PLEK: variants seen among roughly 807,000 people sequenced by gnomAD.
PLEK encodes the protein platelet 47 kDa protein.
Under a neutral mutation model 43.9 loss-of-function variants are expected in PLEK, and 25 were observed. The ratio of observed to expected loss-of-function variants is 0.57; its 90% CI spans 0.41 to 0.79. The LOEUF (loss-of-function observed/expected upper bound fraction) is 0.79. PLEK is among the 30% of genes least tolerant of loss of function. The pLI, the probability that PLEK is intolerant of heterozygous loss-of-function variation, is 0.00. For synonymous variants in PLEK, 152 were observed against 144.4 expected (o/e 1.05, Z -0.38); for missense variants, 396 against 413.3 (o/e 0.96, Z 0.36).
Position 68,393,260 on chromosome 2 carries a change from T to C in PLEK, c.846+15T>C, listed in dbSNP as rs1365743282. 3.3e-6 allele frequency: 5 copies of C among 1,511,918 alleles called. No individual in the cohort carries two copies. In the Admixed American group the frequency reaches 6.7e-5, roughly 20 times the overall value. 93.7% of individuals were successfully genotyped at this position (1,511,918 alleles called of 1,614,324 possible). ...ACCCTGCTGGGGTAAGGTCCTGTGGTTCATAAATCCATTCAAATAAATAAA... is the reference window on the plus strand; with the variant it reads ...ACCCTGCTGGGGTAAGGTCCTGTGGCTCATAAATCCATTCAAATAAATAAA... On this transcript the variant is annotated intron_variant, in intron 7 of 8. Transcript: ENST00000234313.
At chr2:68,394,456 G>C (rs1673919306) in intron 8 of PLEK, among the ~76,000 whole-genome samples, 1 of 152,000 alleles carries the variant, frequency 6.6e-6, no homozygotes, top group Non-Finnish European at 1.5e-5. Context: ...CCTGTGAATT[G>C]TTTGAGCTTG....
intron 1 of PLEK, among the ~76,000 whole-genome samples, chr2:68,368,895 G>T (rs1174679776): frequency 6.6e-6 from 1 of 152,158 alleles, no homozygotes; most frequent in African/African-American, 2.4e-5. Context: ...CTTTGAGGCT[G>T]GGAGAAAGCA....
rs1673789886 is a variant in PLEK at position 68,388,375 on chromosome 2, A to G, written c.658-12A>G. 9.1e-6 allele frequency: 14 copies of G among 1,546,212 alleles called. No homozygotes were observed. Among genetic ancestry groups the G allele is most frequent in the Non-Finnish European group, 9.8e-6 (11 of 1,118,310 alleles). ...ACTGGTGATGTTAGCTTGCTGTTTG[A>G]TTTTCCAACAGCCAGACAGTGGGTT... On this transcript the variant is annotated splice_polypyrimidine_tract_variant and intron_variant, in intron 5 of 8. Coordinates refer to ENST00000234313, the MANE Select transcript of PLEK (RefSeq NM_002664.3).
intron 6 of PLEK, 146 bp from the exon 7 acceptor site, chr2:68,393,016 A>T (rs1673890403): frequency 4.4e-6 from 3 of 675,044 alleles, no homozygotes; most frequent in Non-Finnish European, 5.4e-6. Flanking sequence ...ACAAAGACCT[A>T]GGCCGGGATA....
At chr2:68,369,552 C>T (rs995913771) in intron 1 of PLEK, among the ~76,000 whole-genome samples, 5 of 148,978 alleles carry the variant, frequency 3.4e-5, no homozygotes, top group Admixed American at 6.8e-5. Flanking sequence ...GGTACGATCT[C>T]GGCTCACTGC....
chr2:68,372,453 G>A (rs562624124), intron 1 of PLEK, among the ~76,000 whole-genome samples: 70 of 151,222 alleles, frequency 4.6e-4, no homozygotes, highest in Non-Finnish European at 8.7e-4. Context: ...TGGGATTACA[G>A]GCATGAGCCA....
At chr2:68,388,195 C>T (rs575271716) in intron 5 of PLEK, 192 bp from the exon 6 acceptor site, 205 of 523,686 alleles carry the variant, frequency 3.9e-4, no homozygotes, top group Non-Finnish European at 5.0e-4. Context: ...GGAACAGCCC[C>T]GGAAGCAAGT....
At chr2:68,393,068 T>G (rs1673891349) in intron 6 of PLEK, 94 bp from the exon 7 acceptor site, 1 of 819,598 alleles carries the variant, frequency 1.2e-6, no homozygotes, top group Non-Finnish European at 2.1e-6. Context: ...CTTTCTTTTC[T>G]CAATTCAGCA....
intron 1 of PLEK, among the ~76,000 whole-genome samples, chr2:68,370,393 C>T (rs1673376263): frequency 6.6e-6 from 1 of 152,220 alleles, no homozygotes; most frequent in African/African-American, 2.4e-5. Flanking sequence ...GCATTCATCA[C>T]ACTGACCTGG....
At position 68,395,782 on chromosome 2, in the gene PLEK, G is replaced by A. The variant is rs1063479; in HGVS notation, c.1019G>A (p.Arg340Lys). 1,197,785 of 1,612,072 alleles carry A rather than the reference G, an allele frequency of 0.74. 448,973 individuals are homozygous for A. The highest frequency in any genetic ancestry group is 0.93 in the African/African-American group (69,816 of 75,006). The change falls in exon 9 of 9, where the codon AGA (arginine) becomes AAA (lysine). Residue 340 changes from arginine (R) to lysine (K), a missense_variant. Coordinates refer to ENST00000234313, the MANE Select transcript of PLEK (RefSeq NM_002664.3). ...ATPKERTEWI[R>K]AIQMASRTGK The stretch of plus-strand genomic sequence containing the variant: ...CCCAAGGAGCGCACAGAGTGGATCA[G>A]AGCCATCCAGATGGCCTCCCGAACT...
chr2:68,382,332 C>T (rs1056876329), intron 3 of PLEK, among the ~76,000 whole-genome samples: 4 of 152,190 alleles, frequency 2.6e-5, no homozygotes, highest in East Asian at 1.9e-4. Context: ...CATTGCTAAA[C>T]GCTGTGCAGG....
chr2:68,395,778 A>T lies in PLEK; in HGVS notation c.1015A>T (p.Ile339Phe). The change falls in exon 9 of 9, where the codon ATC becomes TTC. Residue 339 changes from isoleucine (I) to phenylalanine (F), a missense_variant. Transcript: ENST00000234313. ...AATPKERTEW[I>F]RAIQMASRTG... ...CACCCCCAAGGAGCGCACAGAGTGG[A>T]TCAGAGCCATCCAGATGGCCTCCCG... 6.2e-7 allele frequency: 1 copy of T among 1,613,786 alleles called. No individual in the cohort carries two copies. The highest frequency in any genetic ancestry group is 8.5e-7 in the Non-Finnish European group (1 of 1,179,738).
intron 1 of PLEK, among the ~76,000 whole-genome samples, chr2:68,379,808 G>A (rs1050868675): frequency 1.3e-5 from 2 of 152,196 alleles, no homozygotes; most frequent in Non-Finnish European, 2.9e-5. Context: ...TTATTTTAAT[G>A]AACATCCCCT....
chr2:68,371,873 T>C (rs763358479), intron 1 of PLEK, among the ~76,000 whole-genome samples: 26 of 152,310 alleles, frequency 1.7e-4, no homozygotes, highest in Admixed American at 1.1e-3. Flanking sequence ...TCCCACACCT[T>C]ATAAGTCTTT....
chr2:68,371,808 ACAGCC>A (rs1196097699), intron 1 of PLEK, among the ~76,000 whole-genome samples: 2 of 149,808 alleles, frequency 1.3e-5, no homozygotes, highest in Non-Finnish European at 3.0e-5. Flanking sequence ...TTTTTTTTTG[ACAGCC>A]CACATCAAAT....
At position 68,393,201 on chromosome 2, in the gene PLEK, T is replaced by C. The variant is rs1296512029; in HGVS notation, c.802T>C (p.Leu268=). The C allele has an allele frequency of 6.2e-7, 1 of 1,613,238 alleles. No individual in the cohort carries two copies. The highest frequency in any genetic ancestry group is 1.1e-5 in the South Asian group (1 of 91,068). The change falls in exon 7 of 9, where the codon TTG becomes CTG. Residue 268 remains leucine, a synonymous_variant. Transcript: ENST00000234313. ...RKNWKVRKFI[L]REDPAYLHYY... ...AAACTGGAAAGTGAGGAAGTTCATC[T>C]TGAGAGAAGACCCTGCCTACCTGCA... is the stretch of plus-strand genomic sequence containing the variant.
In PLEK at chr2:68,396,003, C is replaced by T. The variant is rs897379485; in HGVS notation, c.*187C>T. ...TTCCCCTGCATTGTATTGCTCACTG[C>T]AGCCCCTCTGCCCCTATCCATGACC... On this transcript the variant is annotated 3_prime_UTR_variant, in exon 9 of 9. Transcript: ENST00000234313. 7.0e-5 allele frequency: 42 copies of T among 598,136 alleles called. No individual in the cohort carries two copies. Among genetic ancestry groups the T allele is most frequent in the Non-Finnish European group, 1.2e-4 (40 of 330,264 alleles). The allele number at this position is 598,136 out of a possible 1,614,324, so 37.1% of individuals were successfully genotyped here.
chr2:68,370,328 T>G (rs1239622183), intron 1 of PLEK, among the ~76,000 whole-genome samples: 1 of 152,186 alleles, frequency 6.6e-6, no homozygotes, highest in Non-Finnish European at 1.5e-5. Context: ...CAGCCATTGG[T>G]TGTAGCTTCT....
At position 68,365,657 on chromosome 2, in the gene PLEK, C is replaced by T. The variant is rs191528189; in HGVS notation, c.42+264C>T. Reference sequence around the variant, plus strand: ...CCTGGAAGGTGGGGATCTAAGCTAACTCCCTCCAGATTTAGAATATCCTTT... The same window carrying T: ...CCTGGAAGGTGGGGATCTAAGCTAATTCCCTCCAGATTTAGAATATCCTTT... On this transcript the variant is annotated intron_variant, in intron 1 of 8. Coordinates refer to ENST00000234313, the MANE Select transcript of PLEK (RefSeq NM_002664.3). 4.8e-4 allele frequency: 195 copies of T among 409,844 alleles called. 1 individual carries two copies. The highest frequency in any genetic ancestry group is 3.7e-3 in the African/African-American group (184 of 49,310). 25.4% of individuals were successfully genotyped at this position (409,844 alleles called of 1,614,324 possible).
Sources: allele counts gnomAD v4.1 joint callset (sites outside exome capture counted in the v4.1 genomes callset), GRCh38; gene constraint gnomAD v4.1.1; transcripts MANE v1.5; gene names NCBI Gene and HGNC (gene_info 2026-07-23, HGNC 2026-07-21).